CHIC2: variants seen among roughly 807,000 people sequenced by gnomAD.
The protein encoded by CHIC2 is cysteine-rich hydrophobic domain-containing protein 2.
A neutral mutation model predicts 25.9 loss-of-function variants in CHIC2; 14 were observed. The ratio of observed to expected loss-of-function variants is 0.54; its 90% CI spans 0.36 to 0.85. The LOEUF (loss-of-function observed/expected upper bound fraction) is 0.85. Ranked by LOEUF, CHIC2 falls within the 40% of genes least tolerant of loss-of-function variation. CHIC2 has a pLI of 0.01. For synonymous variants in CHIC2, 70 were observed against 72.0 expected, an observed-to-expected ratio of 0.97 and a Z score of 0.14; for missense variants, 146 against 202.0, an observed-to-expected ratio of 0.72 and a Z score of 1.68.
At chr4:54,066,625 CTT>C (rs533491447), upstream of CHIC2, among the ~76,000 whole-genome samples, 62 of 133,556 alleles carry the variant, frequency 4.6e-4, no homozygotes, top group Non-Finnish European at 3.9e-4. Flanking sequence ...TCCTGAATGT[CTT>C]TTTTTTTTTT....
upstream of CHIC2, among the ~76,000 whole-genome samples, chr4:54,065,137 T>A (rs778753293): frequency 3.0e-4 from 45 of 152,218 alleles, no homozygotes; most frequent in Non-Finnish European, 2.6e-4. Flanking sequence ...CTGCAAACAT[T>A]TGTGCTCACC....
At chr4:54,039,596 T>A (rs930435789) in intron 3 of CHIC2, among the ~76,000 whole-genome samples, 18 of 152,182 alleles carry the variant, frequency 1.2e-4, no homozygotes, top group Non-Finnish European at 5.9e-5. Context: ...AGCAACTGGA[T>A]CTCTCATGCA....
intron 5 of CHIC2, among the ~76,000 whole-genome samples, chr4:54,011,423 T>C (rs1189071382): frequency 2.0e-5 from 3 of 152,186 alleles, no homozygotes; most frequent in Non-Finnish European, 4.4e-5. Context: ...CTTCTTCATT[T>C]GAGCTAGATT....
intron 1 of CHIC2, among the ~76,000 whole-genome samples, chr4:54,054,938 T>C (rs1012442687): frequency 1.3e-5 from 2 of 151,998 alleles, no homozygotes; most frequent in Non-Finnish European, 2.9e-5. Context: ...AGACAAGTAA[T>C]GATGGGCCAG....
intron 3 of CHIC2, among the ~76,000 whole-genome samples, chr4:54,030,951 G>A (rs553865789): frequency 6.7e-6 from 1 of 149,272 alleles, no homozygotes; most frequent in African/African-American, 2.5e-5. Context: ...TTGGCTCACT[G>A]CAACCTTTGC....
At chr4:54,083,451 CTCTA>C in the CHIC2 span, among the ~76,000 whole-genome samples, 1 of 152,190 alleles carries the variant, frequency 6.6e-6, no homozygotes. Context: ...GTTCCATTCA[CTCTA>C]TCTACAGTCT....
chr4:54,018,993 T>C (rs1715820099), intron 3 of CHIC2, among the ~76,000 whole-genome samples: 1 of 151,930 alleles, frequency 6.6e-6, no homozygotes, highest in African/African-American at 2.4e-5. Context: ...AAGAATGCTA[T>C]TCATCTTTAG....
upstream of CHIC2, chr4:54,065,437 C>G: frequency 2.3e-6 from 1 of 443,822 alleles, no homozygotes; most frequent in Non-Finnish European, 3.0e-6. Context: ...ACAAAAAAGA[C>G]CTGAAAGAAA....
Position 54,061,867 on chromosome 4 carries a change from G to T in CHIC2, c.119+2315C>A, listed in dbSNP as rs28698838. 3.5e-3 allele frequency among the ~76,000 whole-genome samples: 535 copies of T among 152,242 alleles called. 3 individuals carry two copies. The highest frequency in any genetic ancestry group is 0.012 in the African/African-American group (494 of 41,548). On this transcript the variant is annotated intron_variant, in intron 1 of 5. Transcript: ENST00000263921. Reference sequence around the variant, plus strand: ...AATTTAAGCACATACACATTGCTTAGAAATGGAAAAATAAGACTAAGGTGA... The same window carrying T: ...AATTTAAGCACATACACATTGCTTATAAATGGAAAAATAAGACTAAGGTGA...
the CHIC2 span, among the ~76,000 whole-genome samples, chr4:54,081,138 C>A: frequency 3.0e-4 from 46 of 151,368 alleles, no homozygotes; most frequent in Admixed American, 3.0e-3. Flanking sequence ...AGACCTTGGG[C>A]AAATTAGTCC....
At chr4:54,019,905 T>A (rs143252827) in intron 3 of CHIC2, among the ~76,000 whole-genome samples, 1 of 149,216 alleles carries the variant, frequency 6.7e-6, no homozygotes, top group Non-Finnish European at 1.5e-5. Context: ...TAAAAAAAAA[T>A]TATCCAAAAA....
At chr4:54,035,269 G>A (rs551172637) in intron 3 of CHIC2, among the ~76,000 whole-genome samples, 1 of 152,132 alleles carries the variant, frequency 6.6e-6, no homozygotes, top group Non-Finnish European at 1.5e-5. Context: ...AGCTGGGAAG[G>A]GTTCTTTTCT....
intron 3 of CHIC2, among the ~76,000 whole-genome samples, chr4:54,024,722 T>C (rs1232725214): frequency 1.3e-5 from 2 of 152,196 alleles, no homozygotes; most frequent in African/African-American, 4.8e-5. Context: ...CAAGTAATTA[T>C]GCTGAACCCC....
the CHIC2 span, among the ~76,000 whole-genome samples, chr4:54,090,072 T>G: frequency 6.6e-6 from 1 of 152,330 alleles, no homozygotes; most frequent in East Asian, 1.9e-4. Context: ...ATTATATACA[T>G]GCAAATGTTC....
intron 3 of CHIC2, among the ~76,000 whole-genome samples, chr4:54,047,033 A>C (rs974356558): frequency 2.6e-5 from 4 of 152,166 alleles, no homozygotes; most frequent in South Asian, 2.1e-4. Context: ...ATGCAGCCAA[A>C]AAACACATGA....
At chr4:54,086,276 C>T in the CHIC2 span, among the ~76,000 whole-genome samples, 8 of 152,012 alleles carry the variant, frequency 5.3e-5, no homozygotes, top group Admixed American at 3.9e-4. Context: ...TGCCCTCAAG[C>T]AGAGGGGCAT....
intron 1 of CHIC2, among the ~76,000 whole-genome samples, chr4:54,055,929 G>C (rs751558255): frequency 8.5e-5 from 13 of 152,092 alleles, no homozygotes; most frequent in Non-Finnish European, 1.8e-4. Flanking sequence ...GTATATTTGG[G>C]TTTCAGAATA....
the CHIC2 span, among the ~76,000 whole-genome samples, chr4:54,073,878 C>T: frequency 1.3e-5 from 2 of 151,966 alleles, no homozygotes; most frequent in African/African-American, 2.4e-5. Context: ...GGTTTTAGAC[C>T]GGGCGCAGTG....
intron 3 of CHIC2, among the ~76,000 whole-genome samples, chr4:54,044,555 C>T (rs948779866): frequency 4.6e-5 from 7 of 151,644 alleles, no homozygotes; most frequent in Non-Finnish European, 8.8e-5. Flanking sequence ...CTACTGGGTA[C>T]ATAATGAAAT....
Sources: gnomAD v4.1 joint callset for allele counts (sites outside exome capture counted in the v4.1 genomes callset) on GRCh38, gnomAD v4.1.1 for gene constraint, MANE v1.5 for transcripts, NCBI Gene and HGNC (gene_info 2026-07-23, HGNC 2026-07-21) for gene names.